CYP51A1: variants seen among roughly 807,000 people sequenced by gnomAD.
CYP51A1 encodes the protein cytochrome P450 family 51 subfamily A member 1.
CYP51A1 carries 45 observed loss-of-function variants against 53.5 expected under a neutral mutation model. That is an observed-to-expected ratio of 0.84 (90% confidence interval 0.66 to 1.08). CYP51A1 has a LOEUF of 1.08. CYP51A1 is among the 50% of genes least tolerant of loss of function. The pLI is 0.00. For synonymous variants in CYP51A1, 181 were observed against 217.7 expected, an observed-to-expected ratio of 0.83 and a Z score of 1.48; for missense variants, 462 against 621.7, an observed-to-expected ratio of 0.74 and a Z score of 2.73.
intron 1 of CYP51A1, 89 bp downstream of exon 1, chr7:92,134,084 C>G (rs1354023626): frequency 4.6e-6 from 6 of 1,303,996 alleles, no homozygotes; most frequent in African/African-American, 3.0e-5. Context: ...TCCACTGAGC[C>G]GGTCGGGGCC....
At chr7:92,115,135 A>C (rs1819558173) in intron 9 of CYP51A1, among the ~76,000 whole-genome samples, 1 of 152,238 alleles carries the variant, frequency 6.6e-6, no homozygotes, top group Admixed American at 6.5e-5. Context: ...AAAATGAATG[A>C]ACTATATGCA....
chr7:92,133,922 G>A (rs1026182980), intron 1 of CYP51A1, among the ~76,000 whole-genome samples: 1 of 152,222 alleles, frequency 6.6e-6, no homozygotes, highest in African/African-American at 2.4e-5. Flanking sequence ...CAGCCGGGGA[G>A]GCCAGCACCG....
At chr7:92,121,569 A>C (rs1819694710) in intron 7 of CYP51A1, among the ~76,000 whole-genome samples, 1 of 152,250 alleles carries the variant, frequency 6.6e-6, no homozygotes, top group South Asian at 2.1e-4. Flanking sequence ...GAAACAACTC[A>C]AATGTCCATC....
chr7:92,131,026 G>A (rs747027686), intron 2 of CYP51A1, among the ~76,000 whole-genome samples: 9 of 152,108 alleles, frequency 5.9e-5, no homozygotes, highest in African/African-American at 1.4e-4. Flanking sequence ...AAAGATGCGG[G>A]GTCGAGGAAA....
At chr7:92,115,137 C>G (rs908250636) in intron 9 of CYP51A1, among the ~76,000 whole-genome samples, 1 of 152,062 alleles carries the variant, frequency 6.6e-6, no homozygotes, top group Admixed American at 6.6e-5. Context: ...AATGAATGAA[C>G]TATATGCACC....
intron 1 of CYP51A1, among the ~76,000 whole-genome samples, chr7:92,132,175 T>G (rs1337707472): frequency 6.6e-6 from 1 of 152,214 alleles, no homozygotes; most frequent in Admixed American, 6.5e-5. Context: ...TTATTATTGG[T>G]GTCTCCAGGC....
intron 4 of CYP51A1, 43 bp downstream of exon 4, chr7:92,127,462 G>A: frequency 6.4e-7 from 1 of 1,573,736 alleles, no homozygotes. Context: ...TCTATTCACA[G>A]AGAAGTAGAA....
Position 92,118,548 on chromosome 7 carries a change from A to T in CYP51A1, c.1154T>A (p.Ile385Asn). The T allele has an allele frequency of 6.3e-7, 1 of 1,595,780 alleles. No homozygotes were observed. ...ETLRLRPPIM[I>N]MMRMARTPQT... is the part of the protein sequence containing the mutation. The stretch of plus-strand genomic sequence containing the variant: ...AGGAGTTCTGGCCATTCTCATCATG[A>T]TCATTATAGGAGGTCTAAGTCTTAA... Residue 385 changes from isoleucine (I) to asparagine (N), a missense_variant, in exon 8 of 10, where the codon ATC becomes AAC. By Grantham distance (149) the Ile-to-Asn change is moderately radical. Coordinates refer to ENST00000003100, the MANE Select transcript of CYP51A1 (RefSeq NM_000786.4).
Position 92,128,959 on chromosome 7 carries a change from T to G in CYP51A1, c.389A>C (p.Asp130Ala). 1 of 1,613,426 alleles carries G rather than the reference T, an allele frequency of 6.2e-7. No individual in the cohort carries two copies. Among genetic ancestry groups the G allele is most frequent in the Non-Finnish European group, 8.5e-7 (1 of 1,179,888 alleles). The change falls in exon 3 of 10, where the codon GAC becomes GCC. Residue 130 changes from aspartate to alanine, a missense_variant. Coordinates refer to ENST00000003100, the MANE Select transcript of CYP51A1 (RefSeq NM_000786.4). ...AALLFNSKNE[D>A]LNAEDVYSRL... ...ACTGTAGACATCTTCTGCATTCAGG[T>G]CTTCATTTTTACTATTAAAAAGCAG...
In CYP51A1 at chr7:92,134,196, G is replaced by C; in HGVS notation, c.169C>G (p.Leu57Val). The C allele has an allele frequency of 1.2e-6, 2 of 1,612,408 alleles. No individual in the cohort carries two copies. The highest frequency in any genetic ancestry group is 1.7e-6 in the Non-Finnish European group (2 of 1,179,730). ...ACCACCCCTGCGGGCAGCTGGACCA[G>C]GTGGCCGGCGGCCAGACGGATCAGG... ...VYLIRLAAGH[L>V]VQLPAGVKSP... is the part of the protein sequence containing the mutation. The change falls in exon 1 of 10, where the codon CTG (leucine) becomes GTG (valine). Residue 57 changes from leucine (L) to valine (V), a missense_variant. Coordinates refer to ENST00000003100, the MANE Select transcript of CYP51A1 (RefSeq NM_000786.4).
intron 4 of CYP51A1, 49 bp downstream of exon 4, chr7:92,127,456 T>C (rs756352454): frequency 1.3e-6 from 2 of 1,560,878 alleles, no homozygotes; most frequent in East Asian, 2.2e-5. Flanking sequence ...TACTTTTCTA[T>C]TCACAGAGAA....
intron 8 of CYP51A1, 71 bp from the exon 9 acceptor site, chr7:92,117,283 A>C: frequency 7.3e-7 from 1 of 1,366,560 alleles, no homozygotes; most frequent in East Asian, 2.3e-5. Context: ...ATCATTGTGT[A>C]ATAAAGCATG....
rs1819401092 is a variant in CYP51A1, at chr7:92,112,427, TTA to T, written c.*1236_*1237del. 1 of 152,224 alleles carries T rather than the reference TTA, an allele frequency of 6.6e-6. No individual in the cohort carries two copies. Among genetic ancestry groups the T allele is most frequent in the Non-Finnish European group, 1.5e-5 (1 of 68,038 alleles). 9.4% of individuals were successfully genotyped at this position (152,224 alleles called of 1,614,324 possible). A position where few individuals can be genotyped will look rare whatever the true frequency, so the allele number is the denominator to read the frequency against. ...TTACTCCCAAGGACCTTGTTTCAGA[TTA>T]TCTTAAAACCAGAGTTCACTGATCT... On this transcript the variant is annotated 3_prime_UTR_variant, in exon 10 of 10. Coordinates refer to ENST00000003100, the MANE Select transcript of CYP51A1 (RefSeq NM_000786.4).
rs559556007 is a variant in CYP51A1, at chr7:92,113,468, T to C, written c.*197A>G. 1.9e-6 allele frequency: 1 copy of C among 536,694 alleles called. No homozygotes were observed. The highest frequency in any genetic ancestry group is 2.6e-5 in the South Asian group (1 of 38,568). The allele number at this position is 536,694 out of a possible 1,614,324, so 33.2% of individuals were successfully genotyped here. On this transcript the variant is annotated 3_prime_UTR_variant, in exon 10 of 10. Coordinates refer to ENST00000003100, the MANE Select transcript of CYP51A1 (RefSeq NM_000786.4). ...AAAGCACATGTATAAGTATCATAACTATTAGAAAATGTTTCAAATGCTATT... is the reference window on the plus strand; with the variant it reads ...AAAGCACATGTATAAGTATCATAACCATTAGAAAATGTTTCAAATGCTATT...
At chr7:92,126,471 G>A (rs781301454) in intron 4 of CYP51A1, 44 bp from the exon 5 acceptor site, 18 of 1,496,524 alleles carry the variant, frequency 1.2e-5, no homozygotes, top group Middle Eastern at 1.8e-4. Context: ...TTTCCAAAAA[G>A]TGAAAGAAAA....
chr7:92,128,018 T>C (rs1000284599), intron 3 of CYP51A1, among the ~76,000 whole-genome samples: 1 of 152,262 alleles, frequency 6.6e-6, no homozygotes, highest in African/African-American at 2.4e-5. Flanking sequence ...ATTTGTGTTC[T>C]ATATCAACTT....
Position 92,123,452 on chromosome 7 carries a change from T to G in CYP51A1, c.891-137A>C, listed in dbSNP as rs189964095. ...ATATTTGACTATCACAAGTCAAGAG[T>G]TTTTTTTCTCTTAGGGAAGAGACAG... is the stretch of plus-strand genomic sequence containing the variant. On this transcript the variant is annotated intron_variant, in intron 6 of 9. Transcript: ENST00000003100. The G allele has an allele frequency of 5.0e-4, 416 of 840,388 alleles. 2 individuals carry two copies. In the African/African-American group the frequency reaches 6.3e-3, roughly 13 times the overall value. The allele number at this position is 840,388 out of a possible 1,614,324, so 52.1% of individuals were successfully genotyped here. A position where few individuals can be genotyped will look rare whatever the true frequency, so the allele number is the denominator to read the frequency against.
intron 3 of CYP51A1, among the ~76,000 whole-genome samples, chr7:92,128,562 C>T (rs1819852524): frequency 1.3e-5 from 2 of 151,864 alleles, no homozygotes. Context: ...CGGCTCACTG[C>T]AACCTCCGCC....
chr7:92,134,287 C>T lies in CYP51A1; in HGVS notation c.78G>A (p.Lys26=), dbSNP rs1179748917. ...TGGACAAGAGGTTGCCGCCTGTCAC[C>T]TTCTCCATCGCCTGGCCCAGCACCG... ...GGSVLGQAME[K]VTGGNLLSML... Residue 26 remains lysine, a synonymous_variant, in exon 1 of 10, where the codon AAG becomes AAA. Coordinates refer to ENST00000003100, the MANE Select transcript of CYP51A1 (RefSeq NM_000786.4). 46 of 1,611,734 alleles carry T rather than the reference C, an allele frequency of 2.9e-5. No homozygotes were observed. Among genetic ancestry groups the T allele is most frequent in the Non-Finnish European group, 3.7e-5 (44 of 1,179,010 alleles).
Sources: allele counts gnomAD v4.1 joint callset (sites outside exome capture counted in the v4.1 genomes callset), GRCh38; gene constraint gnomAD v4.1.1; transcripts MANE v1.5; gene names NCBI Gene and HGNC (gene_info 2026-07-23, HGNC 2026-07-21).